DOCK3: variants seen among roughly 807,000 people sequenced by gnomAD.
DOCK3 encodes dedicator of cytokinesis 3.
Under a neutral mutation model 265.6 loss-of-function variants are expected in DOCK3, and 60 were observed. The ratio of observed to expected loss-of-function variants is 0.23; its 90% CI spans 0.18 to 0.28. The LOEUF is 0.28. Among genes scored for constraint, DOCK3 ranks in the 10% least tolerant of loss-of-function variants. The pLI is 1.00. For synonymous variants in DOCK3, 881 were observed against 938.0 expected (o/e 0.94, Z 1.11); for missense variants, 1,981 against 2,594.3 (o/e 0.76, Z 5.14).
intron 5 of DOCK3, among the ~76,000 whole-genome samples, chr3:51,047,810 C>T (rs1298809805): frequency 1.3e-5 from 2 of 152,104 alleles, no homozygotes; most frequent in East Asian, 3.8e-4. Context: ...TTATACCAGG[C>T]ATTTAGAGAA....
Position 51,304,117 on chromosome 3 carries a change from G to A in DOCK3, c.2923-6115G>A, listed in dbSNP as rs560818045. ...TGTCCCTAAACCCCTGGCTGAAGTT[G>A]CTAAAATTCCTGCAGGGAGGCCCCA... On this transcript the variant is annotated intron_variant, in intron 27 of 52. Transcript: ENST00000266037. 7.9e-5 allele frequency among the ~76,000 whole-genome samples: 12 copies of A among 152,210 alleles called. No individual in the cohort carries two copies. The South Asian group carries it at 1.2e-3, about 16-fold the overall frequency.
intron 2 of DOCK3, among the ~76,000 whole-genome samples, chr3:50,804,849 A>G (rs1468018958): frequency 6.6e-6 from 1 of 152,022 alleles, no homozygotes; most frequent in Non-Finnish European, 1.5e-5. Flanking sequence ...TTAGTCATTG[A>G]ATTCTTCAGC....
intron 6 of DOCK3, among the ~76,000 whole-genome samples, chr3:51,070,970 T>G (rs1241733549): frequency 6.6e-6 from 1 of 152,142 alleles, no homozygotes; most frequent in African/African-American, 2.4e-5. Context: ...CTCCCCCCGA[T>G]CCGTGGAAAA....
At chr3:50,915,710 C>A (rs1181854366) in intron 4 of DOCK3, among the ~76,000 whole-genome samples, 1 of 151,980 alleles carries the variant, frequency 6.6e-6, no homozygotes, top group African/African-American at 2.4e-5. Flanking sequence ...CAGGGAGGTG[C>A]TTCAGCTGAG....
Position 51,017,995 on chromosome 3 carries a change from C to T in DOCK3, c.316-46453C>T, listed in dbSNP as rs759060597. The stretch of plus-strand genomic sequence containing the variant: ...GTAACCTCTGCCTCCCATGTTCAAG[C>T]GATTCTCCTACCTCAGCCTCCCGAG... On this transcript the variant is annotated intron_variant, in intron 5 of 52. Coordinates refer to ENST00000266037, the MANE Select transcript of DOCK3 (RefSeq NM_004947.5). Among the ~76,000 whole-genome samples the T allele has an allele frequency of 3.3e-5, 5 of 151,662 alleles. No homozygotes were observed. The South Asian group carries it at 8.3e-4, about 25-fold the overall frequency.
intron 2 of DOCK3, among the ~76,000 whole-genome samples, chr3:50,827,528 G>A (rs192103097): frequency 2.0e-5 from 3 of 152,244 alleles, no homozygotes; most frequent in African/African-American, 4.8e-5. Flanking sequence ...ATCTGGATAC[G>A]CTTATATTGG....
intron 1 of DOCK3, among the ~76,000 whole-genome samples, chr3:50,775,882 C>T (rs2041567562): frequency 6.6e-6 from 1 of 152,150 alleles, no homozygotes; most frequent in Admixed American, 6.5e-5. Context: ...TAATGGCTTC[C>T]AGCTCCATCC....
At chr3:50,851,025 T>G (rs1299086224) in intron 3 of DOCK3, among the ~76,000 whole-genome samples, 2 of 152,154 alleles carry the variant, frequency 1.3e-5, no homozygotes, top group African/African-American at 2.4e-5. Context: ...GGTCTGCCTA[T>G]AGGTCCTCTA....
chr3:51,045,411 A>T (rs910317781), intron 5 of DOCK3, among the ~76,000 whole-genome samples: 1 of 152,138 alleles, frequency 6.6e-6, no homozygotes, highest in Non-Finnish European at 1.5e-5. Context: ...ATCAGAGATC[A>T]CTGATCACAC....
At chr3:50,961,795 C>T (rs1478084334) in intron 5 of DOCK3, among the ~76,000 whole-genome samples, 1 of 152,164 alleles carries the variant, frequency 6.6e-6, no homozygotes, top group Non-Finnish European at 1.5e-5. Flanking sequence ...CCTTACCTAT[C>T]TTGGTTTACT....
Position 51,146,588 on chromosome 3 carries a change from G to A in DOCK3, c.786G>A (p.Pro262=), listed in dbSNP as rs374169547. Residue 262 remains proline, a synonymous_variant, in exon 10 of 53, where the codon CCG becomes CCA. Transcript: ENST00000266037. ...FLVRLNKNGG[P]RNPEKIERMC... ...TAAGACTGAACAAGAATGGTGGGCCGAGGAACCCAGAGAAGATAGAACGAA... is the reference window on the plus strand; with the variant it reads ...TAAGACTGAACAAGAATGGTGGGCCAAGGAACCCAGAGAAGATAGAACGAA... 1.3e-5 allele frequency: 20 copies of A among 1,598,748 alleles called. No individual in the cohort carries two copies. Among genetic ancestry groups the A allele is most frequent in the Middle Eastern group, 1.6e-4 (1 of 6,062 alleles).
At chr3:51,280,338 A>C in intron 27 of DOCK3, 134 bp downstream of exon 27, 1 of 828,272 alleles carries the variant, frequency 1.2e-6, no homozygotes, top group South Asian at 1.8e-5. Context: ...GCCCTGCTTT[A>C]CAGCTGAGTG....
intron 2 of DOCK3, among the ~76,000 whole-genome samples, chr3:50,835,291 ACT>A (rs1423459103): frequency 6.6e-6 from 1 of 152,160 alleles, no homozygotes; most frequent in Non-Finnish European, 1.5e-5. Flanking sequence ...TGCATGCAAA[ACT>A]GTTTTTATTT....
chr3:50,690,750 C>G (rs1425165863), intron 1 of DOCK3, among the ~76,000 whole-genome samples: 1 of 151,774 alleles, frequency 6.6e-6, no homozygotes, highest in Admixed American at 6.6e-5. Context: ...TCAAGTGATT[C>G]TCCTGCCTCA....
At chr3:51,256,838 AC>A (rs1236321818) in intron 22 of DOCK3, among the ~76,000 whole-genome samples, 2 of 152,040 alleles carry the variant, frequency 1.3e-5, no homozygotes, top group Non-Finnish European at 2.9e-5. Context: ...CAGGTGATCC[AC>A]CCACCTCCAC....
chr3:50,957,584 A>G (rs940667895), intron 5 of DOCK3, among the ~76,000 whole-genome samples: 1 of 152,214 alleles, frequency 6.6e-6, no homozygotes, highest in Non-Finnish European at 1.5e-5. Context: ...GCACTTACAT[A>G]ACAAAACTTT....
At chr3:51,190,240 T>C (rs2087864882) in intron 12 of DOCK3, among the ~76,000 whole-genome samples, 1 of 152,206 alleles carries the variant, frequency 6.6e-6, no homozygotes, top group African/African-American at 2.4e-5. Context: ...CTGTGAATGC[T>C]ACTGCTCTCT....
intron 9 of DOCK3, among the ~76,000 whole-genome samples, chr3:51,131,665 A>T (rs149015021): frequency 1.6e-3 from 241 of 152,300 alleles, no homozygotes; most frequent in African/African-American, 5.7e-3. Context: ...TAGGAACACC[A>T]TGATTACTTA....
At chr3:51,248,730 T>C (rs1303826070) in intron 22 of DOCK3, among the ~76,000 whole-genome samples, 11 of 119,394 alleles carry the variant, frequency 9.2e-5, no homozygotes, top group South Asian at 3.1e-4. Context: ...CCGGCCGCCA[T>C]CCCATCTAGG....
Sources: allele counts gnomAD v4.1 joint callset (sites outside exome capture counted in the v4.1 genomes callset), GRCh38; gene constraint gnomAD v4.1.1; transcripts MANE v1.5; gene names NCBI Gene and HGNC (gene_info 2026-07-23, HGNC 2026-07-21).